IPO7: variants seen among roughly 807,000 people sequenced by gnomAD.
IPO7 encodes importin-7.
Under a neutral mutation model 136.4 loss-of-function variants are expected in IPO7, and 13 were observed. The observed-to-expected ratio is 0.10, with a 90% CI of 0.06 to 0.15. The LOEUF (loss-of-function observed/expected upper bound fraction) is 0.15, where lower values mean the gene tolerates loss of function less well. IPO7 is among the 10% of genes least tolerant of loss of function. The probability of loss-of-function intolerance (pLI) is 1.00; values close to 1 mark genes in which losing one functional copy is unlikely to be tolerated. For synonymous variants in IPO7, 403 were observed against 404.4 expected (o/e 1.00, Z 0.04); for missense variants, 857 against 1,240.6 (o/e 0.69, Z 4.65).
chr11:9,436,418 C>T (rs750573095), intron 20 of IPO7, 52 bp downstream of exon 20: 1 of 1,235,584 alleles, frequency 8.1e-7, no homozygotes, highest in East Asian at 2.4e-5. Flanking sequence ...CTTTTCCTTC[C>T]ACTTTCTTTC....
rs373543745 is a variant in IPO7, at chr11:9,403,285, T to C, written c.85-5T>C. The C allele has an allele frequency of 2.9e-4, 465 of 1,605,968 alleles. 3 individuals carry two copies. The highest frequency in any genetic ancestry group is 1.0e-3 in the Middle Eastern group (6 of 6,030). ...AAGTTTAAAATGGACTTTTTTTCTTTGTAGGCACACAAGTCTCTGAATTTT... is the reference window on the plus strand; with the variant it reads ...AAGTTTAAAATGGACTTTTTTTCTTCGTAGGCACACAAGTCTCTGAATTTT... On this transcript the variant is annotated splice_region_variant and splice_polypyrimidine_tract_variant and intron_variant, in intron 1 of 24. Coordinates refer to ENST00000379719, the MANE Select transcript of IPO7 (RefSeq NM_006391.3).
intron 1 of IPO7, among the ~76,000 whole-genome samples, chr11:9,391,331 G>A (rs578243234): frequency 7.2e-5 from 11 of 152,084 alleles, no homozygotes; most frequent in Admixed American, 5.9e-4. Context: ...CCCGGGAGGC[G>A]GAGGTGCAGT....
At chr11:9,420,829 T>G in intron 8 of IPO7, 131 bp downstream of exon 8, 1 of 630,480 alleles carries the variant, frequency 1.6e-6, no homozygotes, top group Non-Finnish European at 2.8e-6. Context: ...CAAACATTTT[T>G]GGTCTCAGGA....
At position 9,397,341 on chromosome 11, in the gene IPO7, A is replaced by AAAAAAAAAAAATATATATAT; in HGVS notation, c.85-5948_85-5947insAAAAAAAAAATATATATATA. On this transcript the variant is annotated intron_variant, in intron 1 of 24. Coordinates refer to ENST00000379719, the MANE Select transcript of IPO7 (RefSeq NM_006391.3). ...CTTTACTAAAAATAATTTAAAAAAA[A>AAAAAAAAAAAATATATATAT]ATATATATATATATATATATATATT... Among the ~76,000 whole-genome samples the AAAAAAAAAAAATATATATAT allele has an allele frequency of 5.2e-3, 56 of 10,750 alleles. 2 individuals are homozygous for AAAAAAAAAAAATATATATAT. The highest frequency in any genetic ancestry group is 0.012 in the African/African-American group (49 of 3,974). 7.1% of individuals were successfully genotyped at this position (10,750 alleles called of 152,430 possible).
chr11:9,409,082 A>G (rs965563700), intron 3 of IPO7, among the ~76,000 whole-genome samples: 2 of 150,150 alleles, frequency 1.3e-5, no homozygotes, highest in East Asian at 2.0e-4. Context: ...AACTTACCCA[A>G]CAGATGCTGT....
At chr11:9,423,704 A>C (rs1469057878) in intron 9 of IPO7, 73 bp from the exon 10 acceptor site, 1 of 928,332 alleles carries the variant, frequency 1.1e-6, no homozygotes, top group Non-Finnish European at 1.7e-6. Context: ...CTTTGGTTTT[A>C]ATACTTAAAG....
chr11:9,393,402 G>C (rs73404388), intron 1 of IPO7, among the ~76,000 whole-genome samples: 3,079 of 152,160 alleles, frequency 0.02, 103 homozygotes, highest in African/African-American at 0.069. Context: ...TTTTTCTTGA[G>C]ACGGAGTCTC....
chr11:9,393,621 G>A (rs903499196), intron 1 of IPO7, among the ~76,000 whole-genome samples: 6 of 152,116 alleles, frequency 3.9e-5, no homozygotes, highest in Non-Finnish European at 7.4e-5. Context: ...GACCTCAGGT[G>A]ATCCACCCTC....
At chr11:9,436,389 T>C (rs202111939) in intron 20 of IPO7, 23 bp downstream of exon 20, 68 of 1,510,076 alleles carry the variant, frequency 4.5e-5, no homozygotes, top group Admixed American at 2.4e-4. Flanking sequence ...AATAATGATT[T>C]GTAGTTCAGA....
rs566455213 is a variant in IPO7, at chr11:9,404,334, G to A, written c.166+963G>A. 1.3e-4 allele frequency among the ~76,000 whole-genome samples: 20 copies of A among 151,514 alleles called. 1 individual carries two copies. Among genetic ancestry groups the A allele is most frequent in the African/African-American group, 3.9e-4 (16 of 41,426 alleles). On this transcript the variant is annotated intron_variant, in intron 2 of 24. Coordinates refer to ENST00000379719, the MANE Select transcript of IPO7 (RefSeq NM_006391.3). ...CAAAGAATTAGCCGGGCGTGGTGGC[G>A]GGCGCCTGTAGTCCCAGCTACTCGG...
At chr11:9,432,823 T>G (rs1191959704) in intron 16 of IPO7, among the ~76,000 whole-genome samples, 1 of 152,078 alleles carries the variant, frequency 6.6e-6, no homozygotes, top group Non-Finnish European at 1.5e-5. Context: ...GTTCACTATA[T>G]CTAATAAAAT....
chr11:9,437,444 C>T (rs535664425), intron 20 of IPO7, among the ~76,000 whole-genome samples: 2 of 151,618 alleles, frequency 1.3e-5, no homozygotes, highest in Admixed American at 6.6e-5. Flanking sequence ...TTAGTAGAGA[C>T]GGGGTTTCAC....
chr11:9,429,176 T>C lies in IPO7; in HGVS notation c.1571T>C (p.Leu524Ser), dbSNP rs1370069485. ...KVEAAIALQV[L>S]ISNQEKAKEY... is the part of the protein sequence containing the mutation. ...GAAGCTGCCATTGCCCTTCAAGTAT[T>C]GATCAGCAATCAAGAAAAAGGTAAA... Residue 524 changes from leucine to serine, a missense_variant, in exon 14 of 25, where the codon TTG becomes TCG. Leu to Ser is a moderately radical substitution (Grantham distance 145, BLOSUM62 -2). Transcript: ENST00000379719. 6.2e-7 allele frequency: 1 copy of C among 1,611,830 alleles called. No homozygotes were observed. Among genetic ancestry groups the C allele is most frequent in the Admixed American group, 1.7e-5 (1 of 59,240 alleles).
chr11:9,426,802 G>T (rs1203129919), intron 12 of IPO7, among the ~76,000 whole-genome samples: 1 of 151,974 alleles, frequency 6.6e-6, no homozygotes, highest in East Asian at 1.9e-4. Flanking sequence ...CTGTCACCCA[G>T]GCTGGAGTGC....
intron 1 of IPO7, among the ~76,000 whole-genome samples, chr11:9,397,284 A>G (rs184289951): frequency 1.4e-5 from 2 of 138,646 alleles, no homozygotes; most frequent in African/African-American, 5.4e-5. Flanking sequence ...CAGGAGTTCA[A>G]GACCAGCCTG....
At chr11:9,421,593 A>G (rs1590442059) in intron 8 of IPO7, among the ~76,000 whole-genome samples, 1 of 149,746 alleles carries the variant, frequency 6.7e-6, no homozygotes. Flanking sequence ...ACGCCACTGC[A>G]CTCCAGCCTG....
intron 2 of IPO7, among the ~76,000 whole-genome samples, chr11:9,404,246 A>G (rs1371822432): frequency 3.9e-5 from 6 of 152,108 alleles, no homozygotes; most frequent in Non-Finnish European, 8.8e-5. Context: ...CGGGGTTATC[A>G]CAAGATCAGG....
intron 1 of IPO7, among the ~76,000 whole-genome samples, chr11:9,398,123 A>G (rs1307826369): frequency 6.6e-6 from 1 of 152,148 alleles, no homozygotes; most frequent in Non-Finnish European, 1.5e-5. Flanking sequence ...TGTCCCTTAA[A>G]TATAAAAACC....
At chr11:9,429,352 A>T (rs1037887507) in intron 14 of IPO7, among the ~76,000 whole-genome samples, 156 bp downstream of exon 14, 7 of 151,972 alleles carry the variant, frequency 4.6e-5, no homozygotes, top group African/African-American at 7.3e-5. Flanking sequence ...AAAAATTTTT[A>T]AAAATTAACT....
Sources: allele counts gnomAD v4.1 joint callset (sites outside exome capture counted in the v4.1 genomes callset), GRCh38; gene constraint gnomAD v4.1.1; transcripts MANE v1.5; gene names NCBI Gene and HGNC (gene_info 2026-07-23, HGNC 2026-07-21).